The following CTNNA2 variants were observed in gnomAD, a reference collection of about 807,000 sequenced individuals.
The protein encoded by CTNNA2 is catenin alpha-2.
In CTNNA2, 42 loss-of-function variants were observed where a neutral mutation model predicts 101.0. The observed-to-expected ratio is 0.42, with a 90% CI of 0.32 to 0.54. The LOEUF is 0.54. CTNNA2 is among the 20% of genes least tolerant of loss of function. The pLI, the probability that CTNNA2 is intolerant of heterozygous loss-of-function variation, is 0.14. For synonymous variants in CTNNA2, 450 were observed against 456.4 expected (o/e 0.99, Z 0.18); for missense variants, 871 against 1,223.1 (o/e 0.71, Z 4.29).
chr2:79,271,792 T>C (rs970200105), intron 2 of CTNNA2, among the ~76,000 whole-genome samples: 1 of 152,102 alleles, frequency 6.6e-6, no homozygotes. Context: ...GGAAAGGCTG[T>C]AAAGTAGTTC....
chr2:80,557,788 A>G (rs1321880181), intron 12 of CTNNA2, among the ~76,000 whole-genome samples: 4 of 152,316 alleles, frequency 2.6e-5, no homozygotes, highest in Admixed American at 6.5e-5. Context: ...AGTTGATTGT[A>G]ATATTTTAAC....
chr2:80,056,260 A>G (rs1697207605), intron 7 of CTNNA2, among the ~76,000 whole-genome samples: 1 of 152,222 alleles, frequency 6.6e-6, no homozygotes, highest in Non-Finnish European at 1.5e-5. Context: ...TAGACATTGC[A>G]TGCATCCCTT....
chr2:79,519,642 T>G (rs1251309898), intron 1 of CTNNA2, among the ~76,000 whole-genome samples: 1 of 152,226 alleles, frequency 6.6e-6, no homozygotes, highest in Non-Finnish European at 1.5e-5. Context: ...CCATTTGTTT[T>G]TTCTTTTGAA....
chr2:80,512,016 G>C (rs924894416), intron 9 of CTNNA2, among the ~76,000 whole-genome samples: 2 of 151,876 alleles, frequency 1.3e-5, no homozygotes, highest in African/African-American at 2.4e-5. Flanking sequence ...TGGGCATAGT[G>C]GTGGGCACCT....
chr2:80,165,467 C>A (rs760091869), intron 7 of CTNNA2, among the ~76,000 whole-genome samples: 16 of 152,008 alleles, frequency 1.1e-4, no homozygotes, highest in Non-Finnish European at 1.3e-4. Flanking sequence ...TTATCCATTT[C>A]TTTGATAAGG....
chr2:79,694,559 G>A (rs568351170), intron 2 of CTNNA2, among the ~76,000 whole-genome samples: 11 of 150,838 alleles, frequency 7.3e-5, no homozygotes, highest in African/African-American at 2.2e-4. Flanking sequence ...TTTTAACATT[G>A]GAAAATAATT....
intron 7 of CTNNA2, among the ~76,000 whole-genome samples, chr2:80,371,860 G>A (rs1255324171): frequency 6.6e-6 from 1 of 152,148 alleles, no homozygotes; most frequent in Non-Finnish European, 1.5e-5. Flanking sequence ...AGGCAGGTGA[G>A]TGAAGTAATG....
At chr2:80,553,877 A>G (rs2149654591) in intron 11 of CTNNA2, among the ~76,000 whole-genome samples, 1 of 152,288 alleles carries the variant, frequency 6.6e-6, no homozygotes, top group Non-Finnish European at 1.5e-5. Context: ...TACTGTGTTC[A>G]CATGTTTAAT....
intron 6 of CTNNA2, among the ~76,000 whole-genome samples, chr2:79,886,301 G>A (rs911300090): frequency 1.3e-5 from 2 of 152,126 alleles, no homozygotes; most frequent in African/African-American, 2.4e-5. Flanking sequence ...GTTGTATGGT[G>A]GGTAAAGCCT....
intron 2 of CTNNA2, among the ~76,000 whole-genome samples, chr2:79,270,899 G>C (rs537729424): frequency 1.1e-4 from 17 of 152,008 alleles, no homozygotes; most frequent in African/African-American, 4.1e-4. Flanking sequence ...TCTCTTTTAG[G>C]CACATCTTTC....
chr2:79,220,263 A>C (rs1040146122), intron 2 of CTNNA2, among the ~76,000 whole-genome samples: 7 of 152,148 alleles, frequency 4.6e-5, no homozygotes, highest in African/African-American at 1.7e-4. Flanking sequence ...TGGGAAAATT[A>C]AGATCTCTTA....
intron 4 of CTNNA2, among the ~76,000 whole-genome samples, chr2:79,383,962 G>C (rs1678069336): frequency 6.6e-6 from 1 of 152,088 alleles, no homozygotes; most frequent in African/African-American, 2.4e-5. Flanking sequence ...AGGAGAGTAG[G>C]AGCTATTATC....
intron 1 of CTNNA2, among the ~76,000 whole-genome samples, chr2:79,566,621 G>T (rs1167481376): frequency 6.6e-6 from 1 of 152,054 alleles, no homozygotes; most frequent in Non-Finnish European, 1.5e-5. Flanking sequence ...TAGGGAGGCA[G>T]TCATATGAGA....
intron 9 of CTNNA2, among the ~76,000 whole-genome samples, chr2:80,512,337 C>T (rs549841039): frequency 6.6e-6 from 1 of 151,980 alleles, no homozygotes; most frequent in South Asian, 2.1e-4. Flanking sequence ...GGGCATGGAA[C>T]CTTATGTGCT....
At chr2:79,223,384 T>TG (rs965068912) in intron 2 of CTNNA2, among the ~76,000 whole-genome samples, 20 of 152,292 alleles carry the variant, frequency 1.3e-4, no homozygotes, top group Non-Finnish European at 2.6e-4. Context: ...TATGACATCC[T>TG]GGGGGGACTC....
At chr2:79,502,373 C>T (rs1293810908) in intron 4 of CTNNA2, among the ~76,000 whole-genome samples, 2 of 152,278 alleles carry the variant, frequency 1.3e-5, no homozygotes, top group Middle Eastern at 3.4e-3. Flanking sequence ...GAATGTACAA[C>T]TTCTTGGCAT....
intron 4 of CTNNA2, among the ~76,000 whole-genome samples, chr2:79,392,420 A>T (rs529854283): frequency 4.6e-5 from 7 of 152,334 alleles, no homozygotes; most frequent in African/African-American, 1.4e-4. Context: ...TCAGAAAAGG[A>T]TCAATGTTTT....
intron 2 of CTNNA2, among the ~76,000 whole-genome samples, chr2:79,304,435 G>A (rs1676185449): frequency 6.6e-6 from 1 of 152,028 alleles, no homozygotes; most frequent in South Asian, 2.1e-4. Context: ...TTCCACTCTG[G>A]TGTTTCCACT....
chr2:79,576,540 G>A (rs1010082081), intron 1 of CTNNA2, among the ~76,000 whole-genome samples: 2 of 152,164 alleles, frequency 1.3e-5, no homozygotes, highest in Admixed American at 6.5e-5. Context: ...GAGTCTCATC[G>A]ATTTGTTAGT....
Sources: gnomAD v4.1 joint callset for allele counts (sites outside exome capture counted in the v4.1 genomes callset) on GRCh38, gnomAD v4.1.1 for gene constraint, MANE v1.5 for transcripts, NCBI Gene and HGNC (gene_info 2026-07-23, HGNC 2026-07-21) for gene names.